The following ZBTB20 variants were observed in gnomAD, a reference collection of about 807,000 sequenced individuals.
ZBTB20 encodes zinc finger and BTB domain containing 20, also known as zinc finger and BTB domain-containing protein 20.
A neutral mutation model predicts 56.9 loss-of-function variants in ZBTB20; 9 were observed. The observed-to-expected ratio is 0.16, with a 90% CI of 0.10 to 0.28. ZBTB20 has a LOEUF of 0.28. Among genes scored for constraint, ZBTB20 ranks in the 10% least tolerant of loss-of-function variants. The pLI, the probability that ZBTB20 is intolerant of heterozygous loss-of-function variation, is 1.00. For synonymous variants in ZBTB20, 417 were observed against 420.7 expected (o/e 0.99, Z 0.11); for missense variants, 655 against 1,003.0 (o/e 0.65, Z 4.69).
chr3:115,048,983 G>C (rs1203703479), intron 2 of ZBTB20, among the ~76,000 whole-genome samples: 1 of 152,000 alleles, frequency 6.6e-6, no homozygotes, highest in Non-Finnish European at 1.5e-5. Context: ...ACTGAACTAT[G>C]TGAACTATAT....
At chr3:114,599,781 T>C (rs888561181) in intron 6 of ZBTB20, among the ~76,000 whole-genome samples, 1 of 151,998 alleles carries the variant, frequency 6.6e-6, no homozygotes, top group African/African-American at 2.4e-5. Context: ...ATGTCACAAA[T>C]CTACTAAGAA....
intron 3 of ZBTB20, among the ~76,000 whole-genome samples, chr3:114,903,314 A>G (rs761950508): frequency 1.8e-4 from 28 of 152,236 alleles, no homozygotes; most frequent in Non-Finnish European, 3.4e-4. Flanking sequence ...ATATAAAGGA[A>G]CTAGCACAGT....
chr3:114,814,450 A>G (rs1000222489), intron 4 of ZBTB20, among the ~76,000 whole-genome samples: 1 of 152,142 alleles, frequency 6.6e-6, no homozygotes, highest in African/African-American at 2.4e-5. Flanking sequence ...AACATTTCAG[A>G]TGCAATCTGA....
At chr3:114,810,464 C>T (rs761964610) in intron 4 of ZBTB20, among the ~76,000 whole-genome samples, 2 of 152,090 alleles carry the variant, frequency 1.3e-5, no homozygotes, top group Non-Finnish European at 2.9e-5. Flanking sequence ...ATCGAATCAC[C>T]CCCTTTCAGC....
At chr3:114,803,522 G>A (rs1019558858) in intron 4 of ZBTB20, among the ~76,000 whole-genome samples, 19 of 151,648 alleles carry the variant, frequency 1.3e-4, no homozygotes, top group African/African-American at 3.9e-4. Context: ...CACTGTTGGC[G>A]ACTACATATC....
intron 5 of ZBTB20, among the ~76,000 whole-genome samples, chr3:114,753,366 A>T (rs1384144676): frequency 1.3e-5 from 1 of 76,294 alleles, no homozygotes; most frequent in African/African-American, 4.0e-5. Context: ...TATATAATGT[A>T]TATATAATGT....
At chr3:114,907,780 T>C (rs1194925672) in intron 3 of ZBTB20, among the ~76,000 whole-genome samples, 3 of 151,962 alleles carry the variant, frequency 2.0e-5, no homozygotes, top group African/African-American at 7.2e-5. Flanking sequence ...TGACAGGCAT[T>C]GTTCCAAGTG....
At chr3:115,143,557 G>T (rs2084879920) in intron 1 of ZBTB20, among the ~76,000 whole-genome samples, 1 of 152,128 alleles carries the variant, frequency 6.6e-6, no homozygotes, top group Non-Finnish European at 1.5e-5. Context: ...TGATTTTTCA[G>T]ATATGTTCCT....
intron 2 of ZBTB20, among the ~76,000 whole-genome samples, chr3:114,975,692 C>A (rs1356120801): frequency 1.4e-4 from 22 of 151,980 alleles, no homozygotes; most frequent in Non-Finnish European, 1.0e-4. Context: ...GAGACCAGAA[C>A]AATTAATGAT....
intron 3 of ZBTB20, among the ~76,000 whole-genome samples, chr3:114,909,220 T>C (rs551975858): frequency 8.6e-5 from 13 of 152,046 alleles, no homozygotes; most frequent in East Asian, 5.8e-4. Context: ...CGACCCTGTG[T>C]AGACCTGGCT....
chr3:114,550,558 T>C (rs1021975246), intron 6 of ZBTB20, among the ~76,000 whole-genome samples: 2 of 152,214 alleles, frequency 1.3e-5, no homozygotes, highest in Non-Finnish European at 2.9e-5. Flanking sequence ...AGTTAATAAG[T>C]GCATTGTTTT....
At chr3:114,649,127 C>T (rs1433359773) in intron 6 of ZBTB20, among the ~76,000 whole-genome samples, 1 of 151,906 alleles carries the variant, frequency 6.6e-6, no homozygotes, top group Admixed American at 6.6e-5. Context: ...TACACTATTC[C>T]TTCATTGTTA....
At chr3:114,421,563 AAC>A (rs2089176360) in intron 7 of ZBTB20, among the ~76,000 whole-genome samples, 1 of 152,136 alleles carries the variant, frequency 6.6e-6, no homozygotes, top group South Asian at 2.1e-4. Context: ...CCAGGGAAGA[AAC>A]AGTTTGTCCT....
chr3:114,380,323 C>T lies in ZBTB20; in HGVS notation c.93G>A (p.Pro31=), dbSNP rs1035271061. Residue 31 remains proline, a synonymous_variant, in exon 10 of 12, where the codon CCG becomes CCA. Coordinates refer to ENST00000675478, the MANE Select transcript of ZBTB20 (RefSeq NM_001348800.3). Reference sequence around the variant, plus strand: ...CTTCAAAGTTCAGGCAGGGAAGGCCCGGCTTGGCGCTGGATCCACCCGGCT... The same window carrying T: ...CTTCAAAGTTCAGGCAGGGAAGGCCTGGCTTGGCGCTGGATCCACCCGGCT... ...ITQPGGSSAK[P]GLPCLNFEAV... 13 of 1,537,032 alleles carry T rather than the reference C, an allele frequency of 8.5e-6. No individual in the cohort carries two copies. The highest frequency in any genetic ancestry group is 7.3e-5 in the East Asian group (3 of 40,912).
chr3:115,047,530 TTG>T (rs768686429), intron 2 of ZBTB20, among the ~76,000 whole-genome samples: 4 of 152,240 alleles, frequency 2.6e-5, no homozygotes, highest in Non-Finnish European at 5.9e-5. Context: ...TTGTACATTA[TTG>T]TTAGAATTTT....
intron 1 of ZBTB20, among the ~76,000 whole-genome samples, chr3:115,124,539 T>C (rs1409784243): frequency 6.6e-6 from 1 of 152,110 alleles, no homozygotes; most frequent in Non-Finnish European, 1.5e-5. Flanking sequence ...AAGAAAAAGA[T>C]AAAACTCAAG....
At chr3:114,644,001 C>T (rs2059700169) in intron 6 of ZBTB20, among the ~76,000 whole-genome samples, 1 of 151,730 alleles carries the variant, frequency 6.6e-6, no homozygotes, top group African/African-American at 2.4e-5. Context: ...TTTTTGAGTG[C>T]ACAAATGACC....
chr3:115,073,960 C>T (rs1176884100), intron 1 of ZBTB20, among the ~76,000 whole-genome samples: 1 of 152,036 alleles, frequency 6.6e-6, no homozygotes, highest in Admixed American at 6.6e-5. Context: ...CATTCTAAAA[C>T]AATTGGTCCA....
At chr3:114,496,924 C>T (rs2043344440) in intron 7 of ZBTB20, among the ~76,000 whole-genome samples, 1 of 152,186 alleles carries the variant, frequency 6.6e-6, no homozygotes, top group African/African-American at 2.4e-5. Flanking sequence ...CTCCCTCACA[C>T]CCACTATGGG....
Sources: allele counts gnomAD v4.1 joint callset (sites outside exome capture counted in the v4.1 genomes callset), GRCh38; gene constraint gnomAD v4.1.1; transcripts MANE v1.5; gene names NCBI Gene and HGNC (gene_info 2026-07-23, HGNC 2026-07-21).